TASP1: variants seen among roughly 807,000 people sequenced by gnomAD.
The protein encoded by TASP1 is threonine aspartase 1.
A neutral mutation model predicts 56.6 loss-of-function variants in TASP1; 16 were observed. The observed-to-expected ratio is 0.28, with a 90% CI of 0.19 to 0.43. The LOEUF is 0.43. Among genes scored for constraint, TASP1 ranks in the 20% least tolerant of loss-of-function variants. The pLI is 1.00. For missense variants in TASP1, 393 were observed against 511.6 expected (o/e 0.77, Z 2.24); for synonymous variants, 179 against 184.2 (o/e 0.97, Z 0.23).
the TASP1 span, chr20:13,165,490 GA>G: frequency 6.6e-6 from 1 of 152,224 alleles, no homozygotes; most frequent in Non-Finnish European, 1.5e-5. Context: ...AGACGTCTTT[GA>G]AGGAAATTTT....
chr20:13,188,816 C>A, the TASP1 span, among the ~76,000 whole-genome samples: 1 of 152,164 alleles, frequency 6.6e-6, no homozygotes, highest in Non-Finnish European at 1.5e-5. Flanking sequence ...GCATTTGAGT[C>A]CTCATGGATG....
the TASP1 span, among the ~76,000 whole-genome samples, chr20:13,169,897 A>G: frequency 1.3e-5 from 2 of 152,148 alleles, no homozygotes; most frequent in African/African-American, 4.8e-5. Flanking sequence ...GAGTATCTCT[A>G]AAAGGAAGGG....
the TASP1 span, among the ~76,000 whole-genome samples, chr20:13,371,049 T>G: frequency 6.6e-6 from 1 of 152,002 alleles, no homozygotes; most frequent in African/African-American, 2.4e-5. Flanking sequence ...GGCATTTGAG[T>G]CTTCTCTCTT....
At chr20:13,597,862 A>C (rs949561775) in intron 4 of TASP1, among the ~76,000 whole-genome samples, 28 of 152,222 alleles carry the variant, frequency 1.8e-4, no homozygotes, top group Non-Finnish European at 2.2e-4. Flanking sequence ...ATGTGCAAAA[A>C]TCACAAGCAT....
intron 10 of TASP1, among the ~76,000 whole-genome samples, chr20:13,523,463 T>C (rs991654731): frequency 2.0e-5 from 3 of 152,186 alleles, no homozygotes; most frequent in African/African-American, 7.2e-5. Flanking sequence ...CAAAGGTCTC[T>C]GGGCACGAGT....
chr20:13,610,861 T>C (rs1305970983), intron 4 of TASP1, among the ~76,000 whole-genome samples: 1 of 152,166 alleles, frequency 6.6e-6, no homozygotes, highest in Non-Finnish European at 1.5e-5. Flanking sequence ...ATGAACTCCG[T>C]CAGCTGCTTA....
At chr20:13,487,518 A>T (rs1469257812) in intron 10 of TASP1, among the ~76,000 whole-genome samples, 1 of 152,038 alleles carries the variant, frequency 6.6e-6, no homozygotes, top group Non-Finnish European at 1.5e-5. Context: ...AGGTCATCTC[A>T]CATTAATCCT....
At chr20:13,374,945 C>CT in the TASP1 span, among the ~76,000 whole-genome samples, 1 of 151,996 alleles carries the variant, frequency 6.6e-6, no homozygotes, top group South Asian at 2.1e-4. Context: ...AATGTCTGTC[C>CT]TTTTCATATT....
At chr20:13,584,896 T>C (rs2047248991) in intron 5 of TASP1, among the ~76,000 whole-genome samples, 1 of 152,206 alleles carries the variant, frequency 6.6e-6, no homozygotes, top group South Asian at 2.1e-4. Context: ...GAATCCTACT[T>C]TTTAAAACTT....
chr20:13,512,364 G>A (rs2044365631), intron 10 of TASP1, among the ~76,000 whole-genome samples: 1 of 152,092 alleles, frequency 6.6e-6, no homozygotes, highest in Admixed American at 6.5e-5. Flanking sequence ...CAGTGATGAT[G>A]AGCATTTTTT....
chr20:13,421,997 G>A (rs2042454929), intron 12 of TASP1, among the ~76,000 whole-genome samples: 1 of 145,548 alleles, frequency 6.9e-6, no homozygotes, highest in African/African-American at 2.6e-5. Context: ...TGTCACCCAG[G>A]CTGGAGTGCA....
chr20:13,474,842 G>A (rs968587741), intron 11 of TASP1, among the ~76,000 whole-genome samples: 6 of 152,074 alleles, frequency 3.9e-5, no homozygotes, highest in Admixed American at 6.6e-5. Context: ...TAGGCATAGG[G>A]TGGTAACTCA....
At chr20:13,443,645 A>T (rs758146216) in intron 11 of TASP1, among the ~76,000 whole-genome samples, 7 of 152,254 alleles carry the variant, frequency 4.6e-5, no homozygotes, top group Non-Finnish European at 7.3e-5. Flanking sequence ...CAGACTATAC[A>T]CAAATTACAG....
chr20:13,410,419 G>A (rs78593594), intron 13 of TASP1, among the ~76,000 whole-genome samples: 5,681 of 152,236 alleles, frequency 0.037, 130 homozygotes, highest in African/African-American at 0.058. Flanking sequence ...GTTTCCCATA[G>A]TGGCTGTATG....
the TASP1 span, among the ~76,000 whole-genome samples, chr20:13,127,774 G>A: frequency 6.6e-6 from 1 of 152,202 alleles, no homozygotes; most frequent in South Asian, 2.1e-4. Context: ...AAGGCCTGCA[G>A]GAGGATATTT....
the TASP1 span, among the ~76,000 whole-genome samples, chr20:13,359,095 T>A: frequency 6.8e-6 from 1 of 147,922 alleles, no homozygotes; most frequent in Admixed American, 6.7e-5. Context: ...ACCTCTTATC[T>A]CTGCACCCCA....
At chr20:13,150,019 C>A in the TASP1 span, among the ~76,000 whole-genome samples, 1 of 152,124 alleles carries the variant, frequency 6.6e-6, no homozygotes, top group African/African-American at 2.4e-5. Context: ...GCTAATGATC[C>A]GCAAAAGTGC....
the TASP1 span, among the ~76,000 whole-genome samples, chr20:13,175,260 G>A: frequency 6.6e-6 from 1 of 152,268 alleles, no homozygotes; most frequent in East Asian, 1.9e-4. Flanking sequence ...TTGCAAAGTG[G>A]AAATACTGGA....
At chr20:13,139,564 A>G in the TASP1 span, among the ~76,000 whole-genome samples, 1 of 152,170 alleles carries the variant, frequency 6.6e-6, no homozygotes, top group Admixed American at 6.5e-5. Context: ...TTTCAGGCAC[A>G]TTTTCAAGGG....
Sources: allele counts gnomAD v4.1 joint callset (sites outside exome capture counted in the v4.1 genomes callset), GRCh38; gene constraint gnomAD v4.1.1; transcripts MANE v1.5; gene names NCBI Gene and HGNC (gene_info 2026-07-23, HGNC 2026-07-21).